The following SMTN variants were observed in gnomAD, a reference collection of about 807,000 sequenced individuals.
The protein encoded by SMTN is smoothelin.
SMTN carries 58 observed loss-of-function variants against 102.0 expected under a neutral mutation model. That is an observed-to-expected ratio of 0.57 (90% CI 0.46 to 0.71). The LOEUF is 0.71. Among genes scored for constraint, SMTN ranks in the 30% least tolerant of loss-of-function variants. The pLI, the probability that SMTN is intolerant of heterozygous loss-of-function variation, is 0.00. For synonymous variants in SMTN, 478 were observed against 497.9 expected (o/e 0.96, Z 0.53); for missense variants, 1,185 against 1,241.7 (o/e 0.95, Z 0.69).
In SMTN at chr22:31,104,443, C is replaced by T; in HGVS notation, c.*148C>T. ...CAACCACCTGCGACGCCACGAACTG[C>T]GCCTGCGCGGCAAGAATGTCTAGCC... On this transcript the variant is annotated 3_prime_UTR_variant, in exon 21 of 21. Coordinates refer to ENST00000333137, the MANE Select transcript of SMTN (RefSeq NM_134269.3). 6.2e-7 allele frequency: 1 copy of T among 1,613,960 alleles called. No homozygotes were observed. The highest frequency in any genetic ancestry group is 8.5e-7 in the Non-Finnish European group (1 of 1,180,022).
chr22:31,098,650 G>A lies in SMTN; in HGVS notation c.2160-17G>A. The A allele has an allele frequency of 6.2e-7, 1 of 1,610,768 alleles. No homozygotes were observed. The highest frequency in any genetic ancestry group is 2.2e-5 in the East Asian group (1 of 44,802). On this transcript the variant is annotated splice_polypyrimidine_tract_variant and intron_variant, in intron 16 of 20. Transcript: ENST00000333137. Reference sequence around the variant, plus strand: ...GCCCTGCTCTCCCTGCCTAACATGCGCCTCCCCAACCCCTAGCATCTTCGA... The same window carrying A: ...GCCCTGCTCTCCCTGCCTAACATGCACCTCCCCAACCCCTAGCATCTTCGA...
chr22:31,092,485 G>A (rs1265183735), intron 11 of SMTN: 2 of 471,110 alleles, frequency 4.2e-6, no homozygotes, highest in Non-Finnish European at 8.8e-6. Flanking sequence ...CTAGCCGGGA[G>A]CTCAGCCGGG....
At position 31,098,785 on chromosome 22, in the gene SMTN, G is replaced by T. The variant is rs2043823691; in HGVS notation, c.2278G>T (p.Ala760Ser). Residue 760 changes from alanine (A) to serine (S), a missense_variant, in exon 17 of 21, where the codon GCC (alanine) becomes TCC (serine). Around this residue, in one of 2 missense-constraint regions of SMTN, gnomAD observed 1,096 missense variants for 1,112.7 expected, o/e 0.98. Transcript: ENST00000333137. ...MKAQSLPKTS[A>S]SQARKAMIEK... ...GGCGCAGAGTCTGCCCAAGACCTCAGCCTCCCAGGCGCGCAAGGCCATGAT... is the reference window on the plus strand; with the variant it reads ...GGCGCAGAGTCTGCCCAAGACCTCATCCTCCCAGGCGCGCAAGGCCATGAT... 6.2e-7 allele frequency: 1 copy of T among 1,612,842 alleles called. No homozygotes were observed. Among genetic ancestry groups the T allele is most frequent in the Admixed American group, 1.7e-5 (1 of 59,938 alleles).
In SMTN at chr22:31,100,248, C is replaced by T. The variant is rs183937821; in HGVS notation, c.2603+352C>T. On this transcript the variant is annotated intron_variant, in intron 19 of 20. Coordinates refer to ENST00000333137, the MANE Select transcript of SMTN (RefSeq NM_134269.3). The stretch of plus-strand genomic sequence containing the variant: ...CTATCACCAGAGCTTCCTGCTCCCA[C>T]GGGATCCCGGCTGGAGATTCCAAAA... Among the ~76,000 whole-genome samples the T allele has an allele frequency of 2.6e-3, 393 of 152,218 alleles. 1 individual carries two copies. The highest frequency in any genetic ancestry group is 4.8e-3 in the Non-Finnish European group (326 of 67,968).
chr22:31,099,735 C>T lies in SMTN; in HGVS notation c.2452-10C>T, dbSNP rs757092228. The T allele has an allele frequency of 1.5e-5, 25 of 1,613,234 alleles. No homozygotes were observed. The highest frequency in any genetic ancestry group is 6.7e-5 in the African/African-American group (5 of 74,898). ...CCCAGGTTCCTGACCAGTCCTCCTA[C>T]GGCTTATAGCACGTCGACATCCAGA... On this transcript the variant is annotated splice_polypyrimidine_tract_variant and intron_variant, in intron 18 of 20. Coordinates refer to ENST00000333137, the MANE Select transcript of SMTN (RefSeq NM_134269.3).
chr22:31,081,115 A>G (rs191998588), upstream of SMTN, among the ~76,000 whole-genome samples: 524 of 151,018 alleles, frequency 3.5e-3, 1 homozygote, highest in African/African-American at 0.012. Context: ...CGCTAAAGCC[A>G]CCGAGGCAGA....
In SMTN at chr22:31,095,869, C is replaced by T. The variant is rs144403556; in HGVS notation, c.1861+260C>T. On this transcript the variant is annotated intron_variant, in intron 13 of 20. Coordinates refer to ENST00000333137, the MANE Select transcript of SMTN (RefSeq NM_134269.3). This position sits in a 1 kb window ranked among gnomAD's most constrained non-coding sequence, Gnocchi z 4.1. Reference sequence around the variant, plus strand: ...CTTCCTAGACCCAGATACTCCCTCCCGCAGCTACTCTCTCCTTGGATCCAG... The same window carrying T: ...CTTCCTAGACCCAGATACTCCCTCCTGCAGCTACTCTCTCCTTGGATCCAG... 56 of 545,950 alleles carry T rather than the reference C, an allele frequency of 1.0e-4. No homozygotes were observed. Among genetic ancestry groups the T allele is most frequent in the African/African-American group, 8.6e-4 (45 of 52,492 alleles). The allele number at this position is 545,950 out of a possible 1,614,324, so 33.8% of individuals were successfully genotyped here.
chr22:31,087,822 G>T, intron 2 of SMTN, 143 bp from the exon 3 acceptor site: 1 of 853,662 alleles, frequency 1.2e-6, no homozygotes, highest in Non-Finnish European at 1.7e-6. Flanking sequence ...GGGACCCTGC[G>T]TGGGCAGGCA....
intron 1 of SMTN, among the ~76,000 whole-genome samples, chr22:31,069,203 C>G (rs897870233): frequency 4.6e-5 from 7 of 152,112 alleles, no homozygotes; most frequent in Admixed American, 3.9e-4. Flanking sequence ...AATCAACTTC[C>G]AGGATCCTTA....
chr22:31,094,576 C>T (rs1450586993), intron 11 of SMTN, among the ~76,000 whole-genome samples: 1 of 151,928 alleles, frequency 6.6e-6, no homozygotes, highest in Non-Finnish European at 1.5e-5. Context: ...AGTTAGGCTG[C>T]CTTCAGCTCA....
Position 31,095,601 on chromosome 22 carries a change from G to A in SMTN, c.1853G>A (p.Arg618Lys). The A allele has an allele frequency of 6.2e-7, 1 of 1,612,950 alleles. No homozygotes were observed. Among genetic ancestry groups the A allele is most frequent in the Non-Finnish European group, 8.5e-7 (1 of 1,179,598 alleles). ...IRAALRELRQ[R>K]KRDQRDKERE... ...GCTGCACTTCGTGAGCTCCGACAAA[G>A]GAAGAGAGGTAGAGAGCCAGTTGCC... Residue 618 changes from arginine (R) to lysine (K), a missense_variant, in exon 13 of 21, where the codon AGG (arginine) becomes AAG (lysine). Transcript: ENST00000333137. The surrounding 1 kb of genome is among the most constrained non-coding windows in gnomAD (Gnocchi z 4.1).
intron 1 of SMTN, chr22:31,082,555 A>G (rs1190099979): frequency 1.6e-5 from 8 of 506,456 alleles, no homozygotes; most frequent in Non-Finnish European, 2.8e-5. Context: ...TCAGCTTCTG[A>G]AAGCCCTTCC....
Position 31,092,340 on chromosome 22 carries a change from G to A in SMTN, c.1632+493G>A, listed in dbSNP as rs536774738. ...TTAGCATCTGCGTCAACCTCCCTGT[G>A]GGGGTTGGGCAGAAGCTCTGAGGGG... On this transcript the variant is annotated intron_variant, in intron 11 of 20. Coordinates refer to ENST00000333137, the MANE Select transcript of SMTN (RefSeq NM_134269.3). 1.1e-3 allele frequency: 468 copies of A among 432,196 alleles called. 4 individuals are homozygous for A. Among genetic ancestry groups the A allele is most frequent in the Non-Finnish European group, 1.2e-3 (241 of 203,112 alleles). 26.8% of individuals were successfully genotyped at this position (432,196 alleles called of 1,614,324 possible). A position where few individuals can be genotyped will look rare whatever the true frequency, so the allele number is the denominator to read the frequency against.
Position 31,099,077 on chromosome 22 carries a change from C to T in SMTN, c.2349C>T (p.Pro783=), listed in dbSNP as rs1467104583. ...KEGAAGSPGG[P]RAAVQRSTSF... is the part of the protein sequence containing the mutation. ...GCCCCTACAGCAGCCCTGGCGGACC[C>T]CGCGCAGCCGTGCAGCGATCCACCA... is the stretch of plus-strand genomic sequence containing the variant. Residue 783 remains proline (P), a synonymous_variant, in exon 18 of 21, where the codon CCC becomes CCT. Transcript: ENST00000333137. 6.2e-7 allele frequency: 1 copy of T among 1,612,236 alleles called. No homozygotes were observed. Among genetic ancestry groups the T allele is most frequent in the Admixed American group, 1.7e-5 (1 of 60,022 alleles).
chr22:31,069,403 A>C (rs1370910642), intron 1 of SMTN, among the ~76,000 whole-genome samples: 1 of 152,042 alleles, frequency 6.6e-6, no homozygotes, highest in Non-Finnish European at 1.5e-5. Context: ...ACCCAGACCC[A>C]GGCTTGAGAC....
chr22:31,067,431 G>A (rs62236118), intron 1 of SMTN: 48,092 of 151,618 alleles, frequency 0.32, 8,325 homozygotes, highest in South Asian at 0.43. Flanking sequence ...GTAGAGATGG[G>A]GTTTCACCAT....
chr22:31,097,126 G>A, intron 15 of SMTN, 66 bp downstream of exon 15: 1 of 1,548,714 alleles, frequency 6.5e-7, no homozygotes, highest in Non-Finnish European at 8.9e-7. Context: ...GCTCTTCCTT[G>A]AGCTCTCTCT....
chr22:31,073,011 C>CTCTTT (rs1257016915), intron 1 of SMTN, among the ~76,000 whole-genome samples: 6 of 85,662 alleles, frequency 7.0e-5, no homozygotes, highest in African/African-American at 3.1e-4. Context: ...CTCTCTCTCT[C>CTCTTT]TTTTTTTTTT....
chr22:31,066,112 C>T (rs2041842784), intron 1 of SMTN: 1 of 152,102 alleles, frequency 6.6e-6, no homozygotes. Flanking sequence ...AGGAGCGCCT[C>T]ATAGAGATGG....
Sources: allele counts gnomAD v4.1 joint callset (sites outside exome capture counted in the v4.1 genomes callset), GRCh38; gene constraint gnomAD v4.1.1; regional missense constraint gnomAD v4.1.1; non-coding constraint Gnocchi (gnomAD v3.1); transcripts MANE v1.5; gene names NCBI Gene and HGNC (gene_info 2026-07-23, HGNC 2026-07-21).